The following TNK1 variants were observed in gnomAD, a reference collection of about 807,000 sequenced individuals.
TNK1 encodes tyrosine kinase non receptor 1.
Under a neutral mutation model 65.2 loss-of-function variants are expected in TNK1, and 53 were observed. The observed-to-expected ratio is 0.81, with a 90% CI of 0.65 to 1.02. TNK1 has a LOEUF of 1.02. Among genes scored for constraint, TNK1 ranks in the 50% least tolerant of loss-of-function variants. TNK1 has a pLI of 0.00. For missense variants in TNK1, 837 were observed against 878.4 expected, an observed-to-expected ratio of 0.95 and a Z score of 0.60; for synonymous variants, 353 against 364.6, an observed-to-expected ratio of 0.97 and a Z score of 0.36.
In TNK1 at chr17:7,385,633, T is replaced by G. The variant is rs375903018; in HGVS notation, c.1137+879T>G. Among the ~76,000 whole-genome samples, 363 of 152,084 alleles carry G rather than the reference T, an allele frequency of 2.4e-3. 3 individuals are homozygous for G. Among genetic ancestry groups the G allele is most frequent in the Non-Finnish European group, 2.9e-3 (199 of 67,978 alleles). ...TAGCTGGAGTGCAGTGGTGGGATCTTGGCTCACTGCAACCTCCGCCTCCTG... is the reference window on the plus strand; with the variant it reads ...TAGCTGGAGTGCAGTGGTGGGATCTGGGCTCACTGCAACCTCCGCCTCCTG... On this transcript the variant is annotated intron_variant, in intron 7 of 12. Coordinates refer to ENST00000688331, the MANE Select transcript of TNK1 (RefSeq NM_003985.6).
Position 7,383,564 on chromosome 17 carries a change from G to A in TNK1, c.374G>A (p.Gly125Asp), listed in dbSNP as rs560677344. 6.2e-7 allele frequency: 1 copy of A among 1,612,760 alleles called. No individual in the cohort carries two copies. The highest frequency in any genetic ancestry group is 2.2e-5 in the East Asian group (1 of 44,874). ...AVCRGELLGS[G>D]CFGVVHRGLW... ...TGCAGAGGGGAGCTGCTGGGTTCAG[G>A]CTGCTTCGGTGTGGTGCACCGAGGG... The change falls in exon 4 of 13, where the codon GGC (glycine) becomes GAC (aspartate). Residue 125 changes from glycine to aspartate, a missense_variant. Gly to Asp is a moderately conservative substitution (Grantham distance 94). Coordinates refer to ENST00000688331, the MANE Select transcript of TNK1 (RefSeq NM_003985.6).
At chr17:7,384,405 G>C in intron 6 of TNK1, 79 bp from the exon 7 acceptor site, 1 of 1,447,590 alleles carries the variant, frequency 6.9e-7, no homozygotes, top group Non-Finnish European at 9.1e-7. Context: ...AAAGATGGGT[G>C]CACTCGGGGG....
chr17:7,389,127 GC>G lies in TNK1; in HGVS notation c.*47del. On this transcript the variant is annotated 3_prime_UTR_variant, in exon 13 of 13. Coordinates refer to ENST00000688331, the MANE Select transcript of TNK1 (RefSeq NM_003985.6). ...ACAGACACCAGCATGAAAAGCCTAG[GC>G]CCCTGAGGGCCTGGCCACATGGGAC... is the stretch of plus-strand genomic sequence containing the variant. 3 of 1,477,920 alleles carry G rather than the reference GC, an allele frequency of 2.0e-6. No homozygotes were observed. The highest frequency in any genetic ancestry group is 2.8e-6 in the Non-Finnish European group (3 of 1,082,714). The allele number at this position is 1,477,920 out of a possible 1,614,324, so 91.6% of individuals were successfully genotyped here.
chr17:7,385,864 C>A (rs1309927175), intron 7 of TNK1, among the ~76,000 whole-genome samples: 4 of 152,198 alleles, frequency 2.6e-5, no homozygotes, highest in Non-Finnish European at 1.5e-5. Context: ...CGTGCCCGGC[C>A]TGGATGAGGT....
chr17:7,384,173 T>C lies in TNK1; in HGVS notation c.786T>C (p.Ala262=), dbSNP rs762186984. The change falls in exon 6 of 13, where the codon GCT becomes GCC. Residue 262 remains alanine, a synonymous_variant. Transcript: ENST00000688331. ...LLASPRTIKV[A]DFGLVRPLGG... ...CGTCGCCGCGCACCATCAAGGTGGCTGACTTCGGGCTGGTGCGGCCTCTGG... is the reference window on the plus strand; with the variant it reads ...CGTCGCCGCGCACCATCAAGGTGGCCGACTTCGGGCTGGTGCGGCCTCTGG... The C allele has an allele frequency of 2.6e-6, 4 of 1,536,040 alleles. No individual in the cohort carries two copies. Among genetic ancestry groups the C allele is most frequent in the Non-Finnish European group, 3.5e-6 (4 of 1,147,968 alleles).
chr17:7,380,944 G>C (rs1904771169), upstream of TNK1: 1 of 152,276 alleles, frequency 6.6e-6, no homozygotes. Flanking sequence ...GCCGCCAGTC[G>C]CCCTGGGGAC....
Position 7,389,221 on chromosome 17 carries a change from G to T in TNK1, c.*137G>T. ...ACCTGGGGAGATCCCACCTGCCGTA[G>T]GCACATGGAGGAGGAGCCCAGAGTT... On this transcript the variant is annotated 3_prime_UTR_variant, in exon 13 of 13. Coordinates refer to ENST00000688331, the MANE Select transcript of TNK1 (RefSeq NM_003985.6). 2.5e-5 allele frequency: 17 copies of T among 674,390 alleles called. No homozygotes were observed. In the South Asian group the frequency reaches 3.2e-4, roughly 13 times the overall value. The allele number at this position is 674,390 out of a possible 1,614,324, so 41.8% of individuals were successfully genotyped here.
rs1215939752 is a variant in TNK1 at position 7,383,064 on chromosome 17, G to A, written c.138G>A (p.Leu46=). Residue 46 remains leucine, a synonymous_variant, in exon 2 of 13, where the codon CTG becomes CTA. Transcript: ENST00000688331. ...TCGACTTTGTAAAGCCTGAGGACCTGGACGGCATTGGCATGGGCCGGCCTG... is the reference window on the plus strand; with the variant it reads ...TCGACTTTGTAAAGCCTGAGGACCTAGACGGCATTGGCATGGGCCGGCCTG... The part of the protein sequence containing the change: ...EHFDFVKPED[L]DGIGMGRPAQ... The A allele has an allele frequency of 1.9e-6, 3 of 1,614,042 alleles. No individual in the cohort carries two copies. The highest frequency in any genetic ancestry group is 1.7e-6 in the Non-Finnish European group (2 of 1,179,904).
At position 7,388,481 on chromosome 17, in the gene TNK1, T is replaced by C. The variant is rs1293945346; in HGVS notation, c.1553T>C (p.Ile518Thr). The change falls in exon 11 of 13, where the codon ATT becomes ACT. Residue 518 changes from isoleucine to threonine, a missense_variant. Coordinates refer to ENST00000688331, the MANE Select transcript of TNK1 (RefSeq NM_003985.6). The surrounding 1 kb of genome is among the most constrained non-coding windows in gnomAD (Gnocchi z 4.5). ...PTGGGSSPPEIRQARAVPQGP... is the reference protein window; with the variant it reads ...PTGGGSSPPETRQARAVPQGP... Reference sequence around the variant, plus strand: ...GGGGGTGGTTCAAGCCCCCCTGAAATTCGACAAGCCAGAGCTGTGCCCCAG... The same window carrying C: ...GGGGGTGGTTCAAGCCCCCCTGAAACTCGACAAGCCAGAGCTGTGCCCCAG... 1.2e-6 allele frequency: 2 copies of C among 1,613,758 alleles called. No individual in the cohort carries two copies. Among genetic ancestry groups the C allele is most frequent in the African/African-American group, 1.3e-5 (1 of 74,876 alleles).
rs372800192 is a variant in TNK1, at chr17:7,388,457, G to A, written c.1529G>A (p.Gly510Glu). The change falls in exon 11 of 13, where the codon GGG becomes GAG. Residue 510 changes from glycine (G) to glutamate (E), a missense_variant. Physicochemically the swap from Gly to Glu is moderately conservative, Grantham distance 98 (BLOSUM62 -2). Transcript: ENST00000688331. The surrounding 1 kb of genome is among the most constrained non-coding windows in gnomAD (Gnocchi z 4.5). ...SVLSLGPRPTGGGSSPPEIRQ... is the reference protein window; with the variant it reads ...SVLSLGPRPTEGGSSPPEIRQ... ...CTGTCCCTCGGTCCTCGTCCCACAG[G>A]GGGTGGTTCAAGCCCCCCTGAAATT... is the stretch of plus-strand genomic sequence containing the variant. 211 of 1,613,710 alleles carry A rather than the reference G, an allele frequency of 1.3e-4. No homozygotes were observed. The highest frequency in any genetic ancestry group is 1.7e-4 in the Admixed American group (10 of 59,980).
At position 7,388,989 on chromosome 17, in the gene TNK1, C is replaced by G. The variant is rs1597687679; in HGVS notation, c.1891C>G (p.Leu631Val). 4 of 1,554,190 alleles carry G rather than the reference C, an allele frequency of 2.6e-6. No individual in the cohort carries two copies. In the South Asian group the frequency reaches 4.7e-5, roughly 18 times the overall value. Residue 631 changes from leucine to valine, a missense_variant, in exon 13 of 13, where the codon CTG (leucine) becomes GTG (valine). Coordinates refer to ENST00000688331, the MANE Select transcript of TNK1 (RefSeq NM_003985.6). This position sits in a 1 kb window ranked among gnomAD's most constrained non-coding sequence, Gnocchi z 4.5. ...TCCACAGGTAGATCAGCTCTTCCACCTGAGTAGCCGGTCCAGAGCTGACTG... is the reference window on the plus strand; with the variant it reads ...TCCACAGGTAGATCAGCTCTTCCACGTGAGTAGCCGGTCCAGAGCTGACTG... ...RNLKVDQLFH[L>V]SSRSRADCWR...
intron 7 of TNK1, among the ~76,000 whole-genome samples, chr17:7,385,190 C>A (rs970569391): frequency 6.6e-6 from 1 of 151,940 alleles, no homozygotes; most frequent in Admixed American, 6.6e-5. Context: ...CATGGAGAAA[C>A]CCCGTCTCTA....
chr17:7,384,280 G>T, intron 6 of TNK1, 27 bp downstream of exon 6: 1 of 1,442,414 alleles, frequency 6.9e-7, no homozygotes, highest in South Asian at 1.5e-5. Context: ...GGGCGGTCGG[G>T]CTCTGAGCCG....
At chr17:7,386,768 TCTC>T (rs1217658273) in intron 8 of TNK1, 113 bp downstream of exon 8, 1 of 1,127,998 alleles carries the variant, frequency 8.9e-7, no homozygotes, top group Non-Finnish European at 1.3e-6. Flanking sequence ...TTCTGTCTCA[TCTC>T]CTCTCCCCAC....
rs1905334834 is a variant in TNK1, at chr17:7,388,490, C to T, written c.1562C>T (p.Ala521Val). The T allele has an allele frequency of 6.2e-7, 1 of 1,613,854 alleles. No homozygotes were observed. Among genetic ancestry groups the T allele is most frequent in the African/African-American group, 1.3e-5 (1 of 74,898 alleles). ...GGSSPPEIRQARAVPQGPPGL... is the reference protein window; with the variant it reads ...GGSSPPEIRQVRAVPQGPPGL... Reference sequence around the variant, plus strand: ...TCAAGCCCCCCTGAAATTCGACAAGCCAGAGCTGTGCCCCAGGGACCTCCA... The same window carrying T: ...TCAAGCCCCCCTGAAATTCGACAAGTCAGAGCTGTGCCCCAGGGACCTCCA... The change falls in exon 11 of 13, where the codon GCC becomes GTC. Residue 521 changes from alanine (A) to valine (V), a missense_variant. By Grantham distance (64) the Ala-to-Val change is moderately conservative. Transcript: ENST00000688331. This position sits in a 1 kb window ranked among gnomAD's most constrained non-coding sequence, Gnocchi z 4.5.
Position 7,384,671 on chromosome 17 carries a change from C to T in TNK1, c.1054C>T (p.Leu352Phe). 1.9e-6 allele frequency: 3 copies of T among 1,600,532 alleles called. No individual in the cohort carries two copies. The highest frequency in any genetic ancestry group is 2.6e-6 in the Non-Finnish European group (3 of 1,174,444). The stretch of plus-strand genomic sequence containing the variant: ...TAGGCCTCCCCTCTGCTCCAGGGCC[C>T]TCTACTCCCTCGCCTTGCGCTGCTG... ...LPRPPLCSRA[L>F]YSLALRCWAP... The change falls in exon 7 of 13, where the codon CTC becomes TTC. Residue 352 changes from leucine to phenylalanine, a missense_variant. Coordinates refer to ENST00000688331, the MANE Select transcript of TNK1 (RefSeq NM_003985.6).
Position 7,384,485 on chromosome 17 carries a change from T to A in TNK1, c.868T>A (p.Cys290Ser). The A allele has an allele frequency of 6.5e-7, 1 of 1,543,266 alleles. No homozygotes were observed. The highest frequency in any genetic ancestry group is 2.3e-5 in the East Asian group (1 of 43,044). The change falls in exon 7 of 13, where the codon TGT (cysteine) becomes AGT (serine). Residue 290 changes from cysteine to serine, a missense_variant and splice_region_variant. Cys to Ser is a moderately radical substitution (Grantham distance 112). Coordinates refer to ENST00000688331, the MANE Select transcript of TNK1 (RefSeq NM_003985.6). ...GGPRPIPYAWCAPESLRHGAF... is the reference protein window; with the variant it reads ...GGPRPIPYAWSAPESLRHGAF... ...TTTCAGCTCCACTTCCTTCGGCAGG[T>A]GTGCCCCAGAGAGCCTGCGCCACGG...
Position 7,389,338 on chromosome 17 carries a change from A to G in TNK1, c.*254A>G, listed in dbSNP as rs985924897. 5 of 544,268 alleles carry G rather than the reference A, an allele frequency of 9.2e-6. No homozygotes were observed. Among genetic ancestry groups the G allele is most frequent in the Non-Finnish European group, 9.8e-6 (3 of 306,026 alleles). 33.7% of individuals were successfully genotyped at this position (544,268 alleles called of 1,614,324 possible). ...GGGCCAAGAAGGATCTAGTCTGCCCACTACATTCTCAAACAAGAGGACTTG... is the reference window on the plus strand; with the variant it reads ...GGGCCAAGAAGGATCTAGTCTGCCCGCTACATTCTCAAACAAGAGGACTTG... On this transcript the variant is annotated 3_prime_UTR_variant, in exon 13 of 13. Coordinates refer to ENST00000688331, the MANE Select transcript of TNK1 (RefSeq NM_003985.6).
At position 7,384,218 on chromosome 17, in the gene TNK1, C is replaced by T. The variant is rs1261772975; in HGVS notation, c.831C>T (p.Tyr277=). 6.6e-7 allele frequency: 1 copy of T among 1,513,260 alleles called. No individual in the cohort carries two copies. The highest frequency in any genetic ancestry group is 1.2e-5 in the South Asian group (1 of 81,446). The allele number at this position is 1,513,260 out of a possible 1,614,324, so 93.7% of individuals were successfully genotyped here. Residue 277 remains tyrosine (Y), a synonymous_variant, in exon 6 of 13, where the codon TAC becomes TAT. Coordinates refer to ENST00000688331, the MANE Select transcript of TNK1 (RefSeq NM_003985.6). ...CTCTGGGCGGTGCCCGGGGCCGCTACGTCATGGGCGGGCCCCGCCCTATCC... is the reference window on the plus strand; with the variant it reads ...CTCTGGGCGGTGCCCGGGGCCGCTATGTCATGGGCGGGCCCCGCCCTATCC... ...VRPLGGARGR[Y]VMGGPRPIPY... is the part of the protein sequence containing the mutation.
Sources: gnomAD v4.1 joint callset for allele counts (sites outside exome capture counted in the v4.1 genomes callset) on GRCh38, gnomAD v4.1.1 for gene constraint, Gnocchi (gnomAD v3.1) non-coding constraint, MANE v1.5 for transcripts, NCBI Gene and HGNC (gene_info 2026-07-23, HGNC 2026-07-21) for gene names.